Variants in PTPN12 observed in about 807,000 individuals in gnomAD.
PTPN12 encodes the protein protein tyrosine phosphatase non-receptor type 12.
A neutral mutation model predicts 97.6 loss-of-function variants in PTPN12; 29 were observed. The observed-to-expected ratio is 0.30, with a 90% confidence interval of 0.22 to 0.41. The LOEUF is 0.41. Ranked by LOEUF, PTPN12 falls within the 10% of genes least tolerant of loss-of-function variation. The probability of loss-of-function intolerance (pLI) is 1.00; values close to 1 mark genes in which losing one functional copy is unlikely to be tolerated. For missense variants in PTPN12, 819 were observed against 926.0 expected (o/e 0.88, Z 1.50); for synonymous variants, 327 against 300.4 (o/e 1.09, Z -0.91).
intron 1 of PTPN12, among the ~76,000 whole-genome samples, chr7:77,539,875 T>TC (rs553811828): frequency 1.2e-3 from 190 of 152,304 alleles, no homozygotes; most frequent in African/African-American, 4.4e-3. Flanking sequence ...AGATGGGGTT[T>TC]CGCCATATTT....
At chr7:77,610,704 GA>G in intron 9 of PTPN12, 60 bp from the exon 10 acceptor site, 1 of 1,484,814 alleles carries the variant, frequency 6.7e-7, no homozygotes, top group Non-Finnish European at 9.2e-7. Flanking sequence ...AAAAGCTGAA[GA>G]AGATTTTACT....
chr7:77,627,736 A>T, intron 13 of PTPN12, 61 bp downstream of exon 13: 7 of 1,416,324 alleles, frequency 4.9e-6, no homozygotes, highest in Non-Finnish European at 6.5e-6. Context: ...TGTTTTAAGC[A>T]CTTTAGCTGT....
Position 77,549,463 on chromosome 7 carries a change from A to G in PTPN12, c.99+11818A>G, listed in dbSNP as rs1425041603. ...GTTTCTGTGTAGCAAACTAAAATTA[A>G]GATTATCTATAAGCTGCTTATTTAT... On this transcript the variant is annotated intron_variant, in intron 1 of 17. Transcript: ENST00000248594. Among the ~76,000 whole-genome samples, 4 of 152,212 alleles carry G rather than the reference A, an allele frequency of 2.6e-5. No individual in the cohort carries two copies. In the East Asian group the frequency reaches 7.7e-4, roughly 29 times the overall value.
chr7:77,548,713 A>G (rs1459472639), intron 1 of PTPN12, among the ~76,000 whole-genome samples: 1 of 152,204 alleles, frequency 6.6e-6, no homozygotes, highest in African/African-American at 2.4e-5. Flanking sequence ...TTCTGTCAGT[A>G]TAGATTTTTG....
rs1057502085 is a variant in PTPN12 at position 77,572,582 on chromosome 7, A to C, written c.208+1396A>C. 2.6e-5 allele frequency among the ~76,000 whole-genome samples: 4 copies of C among 152,232 alleles called. 1 individual carries two copies. Among genetic ancestry groups the C allele is most frequent in the Admixed American group, 6.5e-5 (1 of 15,288 alleles). On this transcript the variant is annotated intron_variant, in intron 2 of 17. Transcript: ENST00000248594. The stretch of plus-strand genomic sequence containing the variant: ...ATTATCAGCTGTGGGATATGTGGAT[A>C]GCCTGTGTTGGCAGAATTAACAAGT...
In PTPN12 at chr7:77,614,126, TC is replaced by T. The variant is rs1418581978; in HGVS notation, c.939+3085del. ...TTGAGCTCCTGGGCTCCAACAGTCC[TC>T]CCCCACCTCAGCCTCCCAAAGCACT... On this transcript the variant is annotated intron_variant, in intron 11 of 17. Coordinates refer to ENST00000248594, the MANE Select transcript of PTPN12 (RefSeq NM_002835.4). Among the ~76,000 whole-genome samples, 3 of 151,526 alleles carry T rather than the reference TC, an allele frequency of 2.0e-5. No individual in the cohort carries two copies. The East Asian group carries it at 5.8e-4, about 29-fold the overall frequency.
intron 12 of PTPN12, among the ~76,000 whole-genome samples, chr7:77,623,366 A>G (rs1214212369): frequency 1.3e-5 from 2 of 152,198 alleles, no homozygotes; most frequent in Non-Finnish European, 2.9e-5. Flanking sequence ...CCCTGTGAAA[A>G]AGGTACTGTT....
chr7:77,581,115 C>T (rs1167253069), intron 2 of PTPN12, among the ~76,000 whole-genome samples: 3 of 152,050 alleles, frequency 2.0e-5, no homozygotes, highest in Non-Finnish European at 4.4e-5. Context: ...CTCTGTCGCC[C>T]AGGCTAGAGT....
At chr7:77,585,505 A>AT (rs1457792594) in intron 4 of PTPN12, 38 bp from the exon 5 acceptor site, 2 of 1,562,000 alleles carry the variant, frequency 1.3e-6, no homozygotes. Context: ...TGTTTAACTG[A>AT]TACGTTCTTT....
intron 11 of PTPN12, among the ~76,000 whole-genome samples, chr7:77,612,282 A>G (rs988386460): frequency 1.3e-5 from 2 of 152,262 alleles, no homozygotes; most frequent in South Asian, 4.1e-4. Flanking sequence ...CACGTTTTTA[A>G]GTTTTATGTG....
intron 12 of PTPN12, among the ~76,000 whole-genome samples, chr7:77,625,472 GCTCT>G (rs775712037): frequency 0.03 from 1,010 of 33,424 alleles, 15 homozygotes; most frequent in Non-Finnish European, 0.039. Context: ...CAGGCTGCTC[GCTCT>G]CTCTCTCTCT....
intron 2 of PTPN12, 119 bp from the exon 3 acceptor site, chr7:77,581,308 T>G: frequency 3.7e-6 from 2 of 538,388 alleles, no homozygotes; most frequent in African/African-American, 2.0e-5. Flanking sequence ...CTAGAGTCCA[T>G]TTTCATCCAT....
chr7:77,591,408 C>T (rs1394210763), intron 5 of PTPN12, among the ~76,000 whole-genome samples: 5 of 152,170 alleles, frequency 3.3e-5, no homozygotes, highest in Non-Finnish European at 7.4e-5. Flanking sequence ...TTAGGCTTTT[C>T]ATTCACTTAA....
intron 1 of PTPN12, chr7:77,545,807 C>T (rs576667693): frequency 1.3e-5 from 2 of 152,144 alleles, no homozygotes; most frequent in South Asian, 4.1e-4. Flanking sequence ...GGTATGTATC[C>T]TCTCTTCTTT....
chr7:77,564,743 CGTGTT>C (rs1808159499), intron 1 of PTPN12, among the ~76,000 whole-genome samples: 1 of 35,498 alleles, frequency 2.8e-5, no homozygotes, highest in Admixed American at 4.1e-4. Flanking sequence ...TTTTTGTTGT[CGTGTT>C]TTTTTTTTTT....
chr7:77,616,704 C>G (rs1584197239), intron 11 of PTPN12, among the ~76,000 whole-genome samples: 1 of 152,170 alleles, frequency 6.6e-6, no homozygotes, highest in East Asian at 1.9e-4. Context: ...CATTTTGGTA[C>G]AAAATATCAA....
chr7:77,575,139 A>G (rs1226766474), intron 2 of PTPN12, among the ~76,000 whole-genome samples: 2 of 151,936 alleles, frequency 1.3e-5, no homozygotes, highest in African/African-American at 4.8e-5. Flanking sequence ...TGGCCTGGAA[A>G]TTTATATTGA....
chr7:77,625,631 G>A (rs1279061901), intron 12 of PTPN12, among the ~76,000 whole-genome samples: 8 of 135,328 alleles, frequency 5.9e-5, no homozygotes, highest in Admixed American at 3.2e-4. Context: ...GTGCAGTGGC[G>A]TGATCTCAAC....
At chr7:77,595,522 C>T (rs767591808) in intron 6 of PTPN12, among the ~76,000 whole-genome samples, 17 of 152,162 alleles carry the variant, frequency 1.1e-4, no homozygotes, top group Non-Finnish European at 1.8e-4. Context: ...ACCCATGGCT[C>T]AGATCTAGCC....
Sources: gnomAD v4.1 joint callset for allele counts (sites outside exome capture counted in the v4.1 genomes callset) on GRCh38, gnomAD v4.1.1 for gene constraint, MANE v1.5 for transcripts, NCBI Gene and HGNC (gene_info 2026-07-23, HGNC 2026-07-21) for gene names.